Variants in STX7 observed in about 807,000 individuals in gnomAD.
STX7 encodes syntaxin-7.
STX7 carries 34 observed loss-of-function variants against 39.6 expected under a neutral mutation model. The ratio of observed to expected loss-of-function variants is 0.86; its 90% CI spans 0.65 to 1.14. The LOEUF (loss-of-function observed/expected upper bound fraction) is 1.14, where lower values mean the gene tolerates loss of function less well. Ranked by LOEUF, STX7 falls within the 50% of genes most tolerant of loss-of-function variation. The pLI is 0.00. For synonymous variants in STX7, 119 were observed against 99.1 expected (o/e 1.20, Z -1.19); for missense variants, 284 against 310.4 (o/e 0.92, Z 0.64).
At chr6:132,482,254 A>G (rs1271200104) in intron 2 of STX7, among the ~76,000 whole-genome samples, 1 of 152,222 alleles carries the variant, frequency 6.6e-6, no homozygotes, top group Non-Finnish European at 1.5e-5. Context: ...TCTGCTACGT[A>G]CCAGGCACAG....
intron 2 of STX7, among the ~76,000 whole-genome samples, chr6:132,493,619 G>T (rs776570046): frequency 6.6e-6 from 1 of 152,170 alleles, no homozygotes; most frequent in Non-Finnish European, 1.5e-5. Flanking sequence ...GTGGAAATGT[G>T]ATCCATTACA....
At position 132,471,635 on chromosome 6, in the gene STX7, T is replaced by C. The variant is rs774579589; in HGVS notation, c.250-35A>G. ...AGAGAAGAAAAAGCCAACTAGAATC[T>C]AGCTGTGAAGTTCAACTGAATTTGC... On this transcript the variant is annotated intron_variant, in intron 4 of 9. Coordinates refer to ENST00000367941, the MANE Select transcript of STX7 (RefSeq NM_003569.3). 6.9e-6 allele frequency: 11 copies of C among 1,602,384 alleles called. No homozygotes were observed. In the Admixed American group the frequency reaches 8.8e-5, roughly 13 times the overall value.
At chr6:132,500,304 C>T (rs1775527036) in intron 2 of STX7, among the ~76,000 whole-genome samples, 1 of 152,130 alleles carries the variant, frequency 6.6e-6, no homozygotes, top group Non-Finnish European at 1.5e-5. Context: ...CCAGCTGACC[C>T]GCCAGACCCC....
intron 2 of STX7, among the ~76,000 whole-genome samples, chr6:132,484,224 A>G (rs1775076460): frequency 1.3e-5 from 2 of 152,230 alleles, no homozygotes; most frequent in African/African-American, 4.8e-5. Flanking sequence ...TAACAGAAAA[A>G]TAATACCATT....
intron 6 of STX7, 51 bp downstream of exon 6, chr6:132,470,523 T>C: frequency 2.8e-6 from 4 of 1,409,824 alleles, no homozygotes; most frequent in Non-Finnish European, 4.0e-6. Context: ...CCTTAATGTA[T>C]AAACTTTGAA....
At chr6:132,502,729 C>T (rs1775603247) in intron 2 of STX7, among the ~76,000 whole-genome samples, 1 of 152,064 alleles carries the variant, frequency 6.6e-6, no homozygotes, top group Non-Finnish European at 1.5e-5. Context: ...GAAACCCCGT[C>T]TCTACTAAAA....
chr6:132,483,538 T>C (rs1775061039), intron 2 of STX7, among the ~76,000 whole-genome samples: 1 of 152,228 alleles, frequency 6.6e-6, no homozygotes, highest in East Asian at 1.9e-4. Flanking sequence ...TCATAGGTGC[T>C]GGCTTGAGTA....
intron 9 of STX7, among the ~76,000 whole-genome samples, chr6:132,462,559 AG>A (rs1249793889): frequency 4.0e-5 from 6 of 151,026 alleles, no homozygotes; most frequent in African/African-American, 1.5e-4. Flanking sequence ...TAACAGCTCC[AG>A]AAGACTTCTG....
rs1774028051 is a variant in STX7, at chr6:132,447,074, T to C, written c.*13684A>G. 1 of 152,174 alleles carries C rather than the reference T, an allele frequency of 6.6e-6. No homozygotes were observed. The allele number at this position is 152,174 out of a possible 1,614,324, so 9.4% of individuals were successfully genotyped here. On this transcript the variant is annotated 3_prime_UTR_variant, in exon 10 of 10. Coordinates refer to ENST00000367941, the MANE Select transcript of STX7 (RefSeq NM_003569.3). ...GGAAAATTAGTAAATACAACCAGTG[T>C]GTTAGAAATAATTCCGTATCTCCTA...
intron 2 of STX7, among the ~76,000 whole-genome samples, chr6:132,492,361 T>C (rs1775312739): frequency 6.6e-6 from 1 of 152,246 alleles, no homozygotes; most frequent in African/African-American, 2.4e-5. Context: ...TGTCATTGTT[T>C]CTTTTTGTAA....
At chr6:132,479,632 C>T (rs1350264478) in intron 2 of STX7, among the ~76,000 whole-genome samples, 5 of 152,172 alleles carry the variant, frequency 3.3e-5, no homozygotes, top group African/African-American at 4.8e-5. Context: ...AATAAACTAG[C>T]AATGGCTGTC....
At position 132,458,877 on chromosome 6, in the gene STX7, T is replaced by A. The variant is rs551858065; in HGVS notation, c.*1881A>T. 2.0e-5 allele frequency: 3 copies of A among 152,196 alleles called. No homozygotes were observed. Among genetic ancestry groups the A allele is most frequent in the Non-Finnish European group, 2.9e-5 (2 of 67,974 alleles). The allele number at this position is 152,196 out of a possible 1,614,324, so 9.4% of individuals were successfully genotyped here. A position where few individuals can be genotyped will look rare whatever the true frequency, so the allele number is the denominator to read the frequency against. ...AAAATGATTACACTTCAAATAAAGG[T>A]ACTAAAATCACGCCCCCCAAATTTG... On this transcript the variant is annotated 3_prime_UTR_variant, in exon 10 of 10. Coordinates refer to ENST00000367941, the MANE Select transcript of STX7 (RefSeq NM_003569.3).
At chr6:132,461,366 G>A (rs1156708886) in intron 9 of STX7, among the ~76,000 whole-genome samples, 1 of 151,976 alleles carries the variant, frequency 6.6e-6, no homozygotes, top group Non-Finnish European at 1.5e-5. Context: ...GAGTGCAGTG[G>A]CACAATCTTG....
In STX7 at chr6:132,449,511, C is replaced by T. The variant is rs1299152058; in HGVS notation, c.*11247G>A. On this transcript the variant is annotated 3_prime_UTR_variant, in exon 10 of 10. Coordinates refer to ENST00000367941, the MANE Select transcript of STX7 (RefSeq NM_003569.3). ...TTTTTACTTCTTAGACTCCAATCAG[C>T]ACATATTAAACCTTCCCATTCTATC... The T allele has an allele frequency of 6.6e-6, 1 of 152,098 alleles. No homozygotes were observed. Among genetic ancestry groups the T allele is most frequent in the African/African-American group, 2.4e-5 (1 of 41,436 alleles). The allele number at this position is 152,098 out of a possible 1,614,324, so 9.4% of individuals were successfully genotyped here.
At chr6:132,498,461 A>C (rs1055466847) in intron 2 of STX7, among the ~76,000 whole-genome samples, 1 of 34,708 alleles carries the variant, frequency 2.9e-5, no homozygotes, top group Non-Finnish European at 6.2e-5. Flanking sequence ...ATATTTTATA[A>C]GTGTTTATTT....
intron 1 of STX7, among the ~76,000 whole-genome samples, chr6:132,506,728 C>G (rs1293397379): frequency 6.6e-6 from 1 of 151,902 alleles, no homozygotes; most frequent in Non-Finnish European, 1.5e-5. Flanking sequence ...AACAGCATGG[C>G]AAGTCATCAA....
At chr6:132,489,170 C>T (rs1019708985) in intron 2 of STX7, among the ~76,000 whole-genome samples, 5 of 142,350 alleles carry the variant, frequency 3.5e-5, no homozygotes, top group African/African-American at 1.4e-4. Context: ...CACTGCACTC[C>T]AGCCTGGGCA....
chr6:132,461,669 T>C (rs1774405718), intron 9 of STX7: 1 of 664,830 alleles, frequency 1.5e-6, no homozygotes, highest in Non-Finnish European at 2.4e-6. Flanking sequence ...TCCAAAATCA[T>C]TCTCATTCTT....
chr6:132,475,533 A>C (rs1774851583), intron 3 of STX7, 60 bp downstream of exon 3: 1 of 1,220,538 alleles, frequency 8.2e-7, no homozygotes, highest in Non-Finnish European at 1.2e-6. Flanking sequence ...CTGTAAAAGC[A>C]ACAGAATAAT....
Sources: allele counts gnomAD v4.1 joint callset (sites outside exome capture counted in the v4.1 genomes callset), GRCh38; gene constraint gnomAD v4.1.1; transcripts MANE v1.5; gene names NCBI Gene and HGNC (gene_info 2026-07-23, HGNC 2026-07-21).